Variants in DIAPH2 observed in about 807,000 individuals in gnomAD.
DIAPH2 encodes diaphanous related formin 2, also known as protein diaphanous homolog 2.
Under a neutral mutation model 92.7 loss-of-function variants are expected in DIAPH2, and 35 were observed. The ratio of observed to expected loss-of-function variants is 0.38; its 90% CI spans 0.29 to 0.50. The LOEUF (loss-of-function observed/expected upper bound fraction) is 0.50. DIAPH2 is among the 20% of genes least tolerant of loss of function. The pLI, the probability that DIAPH2 is intolerant of heterozygous loss-of-function variation, is 0.94. For synonymous variants in DIAPH2, 301 were observed against 280.4 expected (o/e 1.07, Z -0.73); for missense variants, 701 against 819.5 (o/e 0.86, Z 1.77).
At chrX:97,330,693 A>G (rs1405286199) in intron 23 of DIAPH2, among the ~76,000 whole-genome samples, 1 of 109,626 alleles carries the variant, frequency 9.1e-6, no homozygotes, top group East Asian at 2.9e-4. Flanking sequence ...TCGTATTTTT[A>G]GTAGAGATGG....
At chrX:97,334,479 C>CAAAAAACA (rs1761464423) in intron 23 of DIAPH2, among the ~76,000 whole-genome samples, 1 of 95,671 alleles carries the variant, frequency 1.0e-5, no homozygotes, top group Admixed American at 1.1e-4. Context: ...AAAAAAAAAA[C>CAAAAAACA]AAAAAACAAT....
At chrX:97,417,381 CACACACACACACACACAT>C (rs1191788313) in intron 25 of DIAPH2, among the ~76,000 whole-genome samples, 1 of 108,789 alleles carries the variant, frequency 9.2e-6, no homozygotes, top group Non-Finnish European at 1.9e-5. Context: ...CACATACACA[CACACACACACACACACAT>C]ACACACACAC....
chrX:97,215,316 T>A (rs1275843868), intron 22 of DIAPH2, among the ~76,000 whole-genome samples: 1 of 111,522 alleles, frequency 9.0e-6, no homozygotes, highest in African/African-American at 3.3e-5. Context: ...CATTCCACAT[T>A]GAGGAGATTT....
intron 22 of DIAPH2, among the ~76,000 whole-genome samples, chrX:97,157,590 T>C (rs1401989046): frequency 1.1e-5 from 1 of 89,837 alleles, no homozygotes; most frequent in Admixed American, 1.3e-4. Context: ...GGGAATGTCC[T>C]ACTCTGTCTA....
intron 4 of DIAPH2, among the ~76,000 whole-genome samples, chrX:96,783,084 G>A (rs1403879087): frequency 3.6e-5 from 4 of 111,798 alleles, no homozygotes; most frequent in African/African-American, 6.5e-5. Flanking sequence ...GATAACTCTT[G>A]TGATACTCGT....
intron 4 of DIAPH2, among the ~76,000 whole-genome samples, chrX:96,771,000 C>T (rs1400940203): frequency 1.8e-5 from 2 of 111,199 alleles, no homozygotes; most frequent in Non-Finnish European, 3.8e-5. Flanking sequence ...TTTGAATTTC[C>T]CTTCATTTTT....
chrX:97,098,180 G>C (rs780320625), intron 19 of DIAPH2, among the ~76,000 whole-genome samples: 16 of 111,573 alleles, frequency 1.4e-4, no homozygotes, highest in Non-Finnish European at 2.8e-4. Context: ...CCCTACCCTA[G>C]TTATCTTTTC....
chrX:97,383,816 A>G, intron 24 of DIAPH2, 93 bp from the exon 25 acceptor site: 2 of 821,064 alleles, frequency 2.4e-6, no homozygotes, highest in Non-Finnish European at 3.3e-6. Flanking sequence ...GTTTATATGT[A>G]TAGGAAGCAG....
At chrX:96,870,957 G>A (rs1376715334) in intron 4 of DIAPH2, among the ~76,000 whole-genome samples, 1 of 111,779 alleles carries the variant, frequency 8.9e-6, no homozygotes, top group Non-Finnish European at 1.9e-5. Context: ...TTACAAAATG[G>A]TAAAGCAGAG....
At chrX:97,343,423 C>T (rs904248587) in intron 23 of DIAPH2, among the ~76,000 whole-genome samples, 5 of 111,704 alleles carry the variant, frequency 4.5e-5, no homozygotes, top group African/African-American at 6.5e-5. Flanking sequence ...AATCCCAGCA[C>T]GTTGGGTGGC....
chrX:97,217,070 TAAAG>T (rs1357112736), intron 22 of DIAPH2, among the ~76,000 whole-genome samples: 1 of 111,808 alleles, frequency 8.9e-6, no homozygotes. Flanking sequence ...TAGTGTGAGT[TAAAG>T]AAGCTAAGAA....
intron 17 of DIAPH2, among the ~76,000 whole-genome samples, chrX:97,046,479 T>C (rs1347888761): frequency 9.0e-6 from 1 of 111,549 alleles, no homozygotes; most frequent in Non-Finnish European, 1.9e-5. Context: ...CACCTAACAG[T>C]TTAGCAACAG....
chrX:97,322,900 GTTCT>G (rs1307234126), intron 23 of DIAPH2, among the ~76,000 whole-genome samples: 6 of 86,890 alleles, frequency 6.9e-5, no homozygotes, highest in African/African-American at 2.7e-4. Context: ...GTTTATCCCA[GTTCT>G]TTTTTTTTTT....
Position 96,945,605 on chromosome X carries a change from A to ATCT in DIAPH2, c.1509+15_1509+16insCTT. 1 of 1,090,543 alleles carries ATCT rather than the reference A, an allele frequency of 9.2e-7. No individual in the cohort carries two copies. The highest frequency in any genetic ancestry group is 1.2e-6 in the Non-Finnish European group (1 of 822,099). 89.9% of individuals were successfully genotyped at this position (1,090,543 alleles called of 1,213,427 possible). On this transcript the variant is annotated intron_variant, in intron 14 of 26. Coordinates refer to ENST00000324765, the MANE Select transcript of DIAPH2 (RefSeq NM_006729.5). Reference sequence around the variant, plus strand: ...TTTTCAAAGAAGGTAAGCTTATAAAATATTAGCCATAATCGTTAGGTTAAT... The same window carrying ATCT: ...TTTTCAAAGAAGGTAAGCTTATAAAATCTTATTAGCCATAATCGTTAGGTTAAT...
At chrX:97,009,708 A>T (rs1017248561) in intron 17 of DIAPH2, among the ~76,000 whole-genome samples, 3 of 112,105 alleles carry the variant, frequency 2.7e-5, no homozygotes, top group Non-Finnish European at 3.8e-5. Flanking sequence ...CTGGACCAGG[A>T]TATGTCTAGA....
intron 23 of DIAPH2, among the ~76,000 whole-genome samples, chrX:97,281,658 C>T (rs953427284): frequency 1.0e-4 from 11 of 109,016 alleles, no homozygotes; most frequent in Non-Finnish European, 2.1e-4. Context: ...GCAGGAGAAT[C>T]GCTTGAACCC....
intron 5 of DIAPH2, among the ~76,000 whole-genome samples, chrX:96,906,659 G>C (rs1245064990): frequency 8.9e-6 from 1 of 112,135 alleles, no homozygotes; most frequent in East Asian, 2.8e-4. Flanking sequence ...TTAGAACCTA[G>C]ATCTGTTTTC....
chrX:97,104,748 CT>C (rs2066927856), intron 20 of DIAPH2, among the ~76,000 whole-genome samples: 1 of 111,414 alleles, frequency 9.0e-6, no homozygotes, highest in Admixed American at 9.6e-5. Context: ...TATATAACTT[CT>C]TAGATGATAA....
chrX:97,510,033 T>A (rs1213349146), intron 26 of DIAPH2, among the ~76,000 whole-genome samples: 12 of 110,956 alleles, frequency 1.1e-4, no homozygotes, highest in Non-Finnish European at 1.7e-4. Flanking sequence ...CAGTAATGGG[T>A]TGGCTGGATC....
Sources: allele counts gnomAD v4.1 joint callset (sites outside exome capture counted in the v4.1 genomes callset), GRCh38; gene constraint gnomAD v4.1.1; transcripts MANE v1.5; gene names NCBI Gene and HGNC (gene_info 2026-07-23, HGNC 2026-07-21).